Variants in STARD13 observed in about 807,000 individuals in gnomAD.
The protein encoded by STARD13 is stAR-related lipid transfer protein 13.
Under a neutral mutation model 106.4 loss-of-function variants are expected in STARD13, and 62 were observed. That is an observed-to-expected ratio of 0.58 (90% CI 0.48 to 0.72). The LOEUF is 0.72. STARD13 is among the 30% of genes least tolerant of loss of function. The pLI is 0.00. For synonymous variants in STARD13, 565 were observed against 553.0 expected, an observed-to-expected ratio of 1.02 and a Z score of -0.31; for missense variants, 1,387 against 1,424.0, an observed-to-expected ratio of 0.97 and a Z score of 0.42.
chr13:33,484,262 C>T, the STARD13 span, among the ~76,000 whole-genome samples: 4 of 152,134 alleles, frequency 2.6e-5, no homozygotes, highest in Non-Finnish European at 5.9e-5. Context: ...AAAACATGGT[C>T]ACAGGTTAGA....
intron 3 of STARD13, among the ~76,000 whole-genome samples, chr13:33,162,225 G>A (rs1422458080): frequency 6.6e-6 from 1 of 152,184 alleles, no homozygotes; most frequent in African/African-American, 2.4e-5. Flanking sequence ...AGCCCCTTCT[G>A]CCTACGACAC....
At chr13:33,618,237 T>C in the STARD13 span, among the ~76,000 whole-genome samples, 1 of 152,240 alleles carries the variant, frequency 6.6e-6, no homozygotes, top group Non-Finnish European at 1.5e-5. Flanking sequence ...GTATGCTAGA[T>C]CATCCTGAAA....
the STARD13 span, among the ~76,000 whole-genome samples, chr13:33,505,555 C>G: frequency 6.6e-6 from 1 of 152,206 alleles, no homozygotes; most frequent in Non-Finnish European, 1.5e-5. Context: ...AACAAAACGT[C>G]TTTTGAAAGA....
chr13:33,491,664 C>T, the STARD13 span, among the ~76,000 whole-genome samples: 1 of 152,174 alleles, frequency 6.6e-6, no homozygotes, highest in South Asian at 2.1e-4. Context: ...TTTATTTGCA[C>T]ATTACAACCT....
the STARD13 span, among the ~76,000 whole-genome samples, chr13:33,434,693 T>A: frequency 6.6e-6 from 1 of 152,160 alleles, no homozygotes; most frequent in Non-Finnish European, 1.5e-5. Flanking sequence ...AAACACGAGA[T>A]CTTCCTGCTG....
the STARD13 span, among the ~76,000 whole-genome samples, chr13:33,655,511 A>T: frequency 1.3e-5 from 2 of 152,170 alleles, no homozygotes; most frequent in African/African-American, 4.8e-5. Flanking sequence ...CTCCCAGTCC[A>T]TTCCAGTCCT....
intron 1 of STARD13, among the ~76,000 whole-genome samples, chr13:33,243,601 G>A (rs545593959): frequency 6.2e-4 from 95 of 152,292 alleles, no homozygotes; most frequent in South Asian, 1.0e-3. Flanking sequence ...AACCATAAAG[G>A]ACAGAGAATC....
At chr13:33,160,055 A>G (rs191101392) in intron 3 of STARD13, among the ~76,000 whole-genome samples, 1 of 152,326 alleles carries the variant, frequency 6.6e-6, no homozygotes. Flanking sequence ...AAGTTAAAGA[A>G]CTCAGAATAT....
At chr13:33,448,604 C>T in the STARD13 span, among the ~76,000 whole-genome samples, 1 of 152,060 alleles carries the variant, frequency 6.6e-6, no homozygotes, top group Non-Finnish European at 1.5e-5. Context: ...ATATCATTTC[C>T]TTTGGATATA....
chr13:33,173,904 T>G (rs971638640), intron 1 of STARD13, among the ~76,000 whole-genome samples: 3 of 152,316 alleles, frequency 2.0e-5, no homozygotes, highest in South Asian at 4.1e-4. Context: ...AGACAGAGAC[T>G]CTCAGCTCTG....
intron 4 of STARD13, among the ~76,000 whole-genome samples, chr13:33,133,298 A>G (rs1878580451): frequency 6.6e-6 from 1 of 152,298 alleles, no homozygotes; most frequent in East Asian, 1.9e-4. Flanking sequence ...TATTATACTC[A>G]CTTTGGCCAA....
chr13:33,222,120 G>C (rs1227623134), intron 1 of STARD13, among the ~76,000 whole-genome samples: 1 of 152,060 alleles, frequency 6.6e-6, no homozygotes, highest in Admixed American at 6.5e-5. Flanking sequence ...CTGCACTCCA[G>C]CCTGGCAACA....
the STARD13 span, among the ~76,000 whole-genome samples, chr13:33,659,122 A>AC: frequency 6.6e-6 from 1 of 151,570 alleles, no homozygotes; most frequent in Admixed American, 6.6e-5. Context: ...GAGTTCTGTG[A>AC]CCCACCGTAG....
intron 1 of STARD13, among the ~76,000 whole-genome samples, chr13:33,244,371 C>T (rs1345608113): frequency 6.6e-6 from 1 of 152,012 alleles, no homozygotes; most frequent in African/African-American, 2.4e-5. Context: ...AGTTATCAGT[C>T]ACCCTCTCAC....
the STARD13 span, among the ~76,000 whole-genome samples, chr13:33,499,761 CTT>C: frequency 0.035 from 3,308 of 94,524 alleles, 226 homozygotes; most frequent in African/African-American, 0.14. Flanking sequence ...CTTCTTCTTT[CTT>C]TTTTTTTTTT....
intron 7 of STARD13, among the ~76,000 whole-genome samples, chr13:33,125,154 T>TA (rs1229043283): frequency 2.0e-5 from 3 of 152,166 alleles, no homozygotes; most frequent in East Asian, 3.8e-4. Context: ...CAAGCATCAC[T>TA]AGCCAGCTCA....
At chr13:33,579,169 A>C in the STARD13 span, among the ~76,000 whole-genome samples, 2 of 152,142 alleles carry the variant, frequency 1.3e-5, no homozygotes, top group African/African-American at 4.8e-5. Flanking sequence ...TCAAAGGAAA[A>C]TAAATAATTA....
chr13:33,240,537 C>G (rs1336526069), intron 1 of STARD13, among the ~76,000 whole-genome samples: 4 of 152,082 alleles, frequency 2.6e-5, no homozygotes, highest in Admixed American at 6.5e-5. Flanking sequence ...CTTCCATTTA[C>G]TTGTATCTTT....
At chr13:33,377,997 G>T in the STARD13 span, among the ~76,000 whole-genome samples, 5 of 152,162 alleles carry the variant, frequency 3.3e-5, no homozygotes, top group African/African-American at 1.2e-4. Flanking sequence ...TTAGTGGCTG[G>T]ATGGCTACTT....
Sources: allele counts gnomAD v4.1 joint callset (sites outside exome capture counted in the v4.1 genomes callset), GRCh38; gene constraint gnomAD v4.1.1; transcripts MANE v1.5; gene names NCBI Gene and HGNC (gene_info 2026-07-23, HGNC 2026-07-21).